Variants in CCSER1 observed in about 807,000 individuals in gnomAD.
The protein encoded by CCSER1 is coiled-coil serine rich protein 1, also known as serine-rich coiled-coil domain-containing protein 1.
In CCSER1, 41 loss-of-function variants were observed where a neutral mutation model predicts 82.0. The observed-to-expected ratio is 0.50, with a 90% CI of 0.39 to 0.65. The LOEUF (loss-of-function observed/expected upper bound fraction) is 0.65, where lower values mean the gene tolerates loss of function less well. CCSER1 is among the 30% of genes least tolerant of loss of function. The pLI is 0.00. For missense variants in CCSER1, 1,119 were observed against 1,064.2 expected (o/e 1.05, Z -0.72); for synonymous variants, 414 against 383.9 (o/e 1.08, Z -0.92).
At chr4:91,036,171 A>G (rs1741416674) in intron 9 of CCSER1, among the ~76,000 whole-genome samples, 1 of 152,204 alleles carries the variant, frequency 6.6e-6, no homozygotes, top group South Asian at 2.1e-4. Context: ...GACAATTTCA[A>G]GAAACAAAAG....
intron 1 of CCSER1, among the ~76,000 whole-genome samples, chr4:90,207,178 C>T (rs899731693): frequency 6.6e-6 from 1 of 151,952 alleles, no homozygotes; most frequent in African/African-American, 2.4e-5. Context: ...GGCATTTAGC[C>T]TGTTTACATT....
chr4:90,839,101 C>T (rs1198596214), intron 8 of CCSER1: 2 of 1,234,854 alleles, frequency 1.6e-6, no homozygotes, highest in Non-Finnish European at 2.4e-6. Context: ...GCGCAGTGGC[C>T]ACCACCGAGT....
At chr4:91,079,239 T>C (rs1177781737) in intron 9 of CCSER1, among the ~76,000 whole-genome samples, 2 of 152,104 alleles carry the variant, frequency 1.3e-5, no homozygotes, top group African/African-American at 4.8e-5. Flanking sequence ...GCAGAAACTC[T>C]ACACACCAGA....
chr4:90,878,192 G>A (rs1318250240), intron 8 of CCSER1, among the ~76,000 whole-genome samples: 1 of 152,032 alleles, frequency 6.6e-6, no homozygotes. Context: ...AAAAGTCTAG[G>A]TGTTACCATA....
chr4:91,369,973 C>T lies in CCSER1; in HGVS notation c.2218-228599C>T, dbSNP rs564787879. On this transcript the variant is annotated intron_variant, in intron 10 of 10. Coordinates refer to ENST00000509176, the MANE Select transcript of CCSER1 (RefSeq NM_001145065.2). The stretch of plus-strand genomic sequence containing the variant: ...GGGATTATAGGCATGAGCCACTGTG[C>T]CCAGCCAGTCAGTAGCTTTTGAATT... 1.4e-3 allele frequency among the ~76,000 whole-genome samples: 207 copies of T among 152,090 alleles called. 1 individual carries two copies. The highest frequency in any genetic ancestry group is 4.9e-3 in the African/African-American group (202 of 41,492).
chr4:91,484,055 T>TAAAAA (rs70965500), intron 10 of CCSER1, among the ~76,000 whole-genome samples: 1 of 130,990 alleles, frequency 7.6e-6, no homozygotes, highest in Non-Finnish European at 1.6e-5. Context: ...GCCTATTCTC[T>TAAAAA]AAAAAAAAAA....
chr4:90,310,282 G>A (rs930453286), intron 2 of CCSER1, among the ~76,000 whole-genome samples: 2 of 151,964 alleles, frequency 1.3e-5, no homozygotes, highest in Non-Finnish European at 2.9e-5. Context: ...GTCCATTACT[G>A]TAATATGGCT....
At chr4:90,912,416 C>A (rs1261028397) in intron 8 of CCSER1, among the ~76,000 whole-genome samples, 3 of 152,182 alleles carry the variant, frequency 2.0e-5, no homozygotes, top group African/African-American at 7.2e-5. Flanking sequence ...AACAGACCTG[C>A]AGCTGAGGGT....
intron 10 of CCSER1, among the ~76,000 whole-genome samples, chr4:91,154,862 G>A (rs1281359140): frequency 6.6e-6 from 1 of 151,904 alleles, no homozygotes; most frequent in East Asian, 1.9e-4. Context: ...ACTGCTACAT[G>A]TACTATATTA....
chr4:90,534,911 G>A (rs1775123545), intron 5 of CCSER1, among the ~76,000 whole-genome samples: 1 of 152,158 alleles, frequency 6.6e-6, no homozygotes, highest in South Asian at 2.1e-4. Context: ...TGGACCAGCA[G>A]CATCCAAATC....
intron 1 of CCSER1, among the ~76,000 whole-genome samples, chr4:90,207,119 A>T (rs375586581): frequency 2.6e-5 from 4 of 152,006 alleles, no homozygotes; most frequent in African/African-American, 9.7e-5. Context: ...CCGCACACCC[A>T]TGAATCTTGA....
intron 8 of CCSER1, among the ~76,000 whole-genome samples, chr4:90,896,412 A>G (rs1163792559): frequency 6.6e-6 from 1 of 151,978 alleles, no homozygotes; most frequent in East Asian, 1.9e-4. Flanking sequence ...TCAGCTTTCT[A>G]CTATTATTCA....
At chr4:90,695,792 T>TTCAAGGAA (rs1477803443) in intron 6 of CCSER1, among the ~76,000 whole-genome samples, 1 of 152,042 alleles carries the variant, frequency 6.6e-6, no homozygotes, top group African/African-American at 2.4e-5. Flanking sequence ...TTTATATTTT[T>TTCAAGGAA]TCAAGGAATT....
At chr4:91,366,295 A>C (rs1316865958) in intron 10 of CCSER1, among the ~76,000 whole-genome samples, 2 of 152,212 alleles carry the variant, frequency 1.3e-5, no homozygotes, top group Non-Finnish European at 2.9e-5. Context: ...TGCTGGGATT[A>C]CAGGCGTGAG....
chr4:90,991,397 T>C (rs1737013786), intron 9 of CCSER1, among the ~76,000 whole-genome samples: 1 of 152,016 alleles, frequency 6.6e-6, no homozygotes, highest in African/African-American at 2.4e-5. Flanking sequence ...ATGCTGTCTC[T>C]GAAGCCTTTA....
intron 10 of CCSER1, among the ~76,000 whole-genome samples, chr4:91,117,275 T>TGA (rs1219730732): frequency 6.6e-6 from 1 of 152,214 alleles, no homozygotes; most frequent in Non-Finnish European, 1.5e-5. Flanking sequence ...TCATTGAATG[T>TGA]GAGGACCTTC....
rs146381014 is a variant in CCSER1 at position 91,365,577 on chromosome 4, A to C, written c.2218-232995A>C. On this transcript the variant is annotated intron_variant, in intron 10 of 10. Coordinates refer to ENST00000509176, the MANE Select transcript of CCSER1 (RefSeq NM_001145065.2). ...TTATAGCTGAACTCATAATGTGTAC[A>C]TTTATTAAACAAATTGCCAATTTAG... 5.8e-3 allele frequency among the ~76,000 whole-genome samples: 881 copies of C among 152,302 alleles called. 13 individuals are homozygous for C. Among genetic ancestry groups the C allele is most frequent in the African/African-American group, 0.02 (816 of 41,578 alleles).
intron 3 of CCSER1, among the ~76,000 whole-genome samples, chr4:90,339,820 T>C (rs1276781373): frequency 6.6e-6 from 1 of 152,022 alleles, no homozygotes; most frequent in Non-Finnish European, 1.5e-5. Flanking sequence ...ATCACTATTT[T>C]ACATAATATA....
chr4:91,523,235 T>C (rs1399159993), intron 10 of CCSER1, among the ~76,000 whole-genome samples: 1 of 152,214 alleles, frequency 6.6e-6, no homozygotes, highest in Admixed American at 6.5e-5. Context: ...GACTTGATCA[T>C]GGTGGATAAG....
Sources: allele counts gnomAD v4.1 joint callset (sites outside exome capture counted in the v4.1 genomes callset), GRCh38; gene constraint gnomAD v4.1.1; transcripts MANE v1.5; gene names NCBI Gene and HGNC (gene_info 2026-07-23, HGNC 2026-07-21).